Variants in VWA2 observed in about 807,000 individuals in gnomAD.
VWA2 encodes von Willebrand factor A domain containing 2.
A neutral mutation model predicts 70.4 loss-of-function variants in VWA2; 73 were observed. The ratio of observed to expected loss-of-function variants is 1.04; its 90% CI spans 0.86 to 1.26. The LOEUF is 1.26. Ranked by LOEUF, VWA2 falls within the 50% of genes most tolerant of loss-of-function variation. The pLI is 0.00. For missense variants in VWA2, 1,011 were observed against 998.5 expected, an observed-to-expected ratio of 1.01 and a Z score of -0.17; for synonymous variants, 407 against 423.3, an observed-to-expected ratio of 0.96 and a Z score of 0.47.
intron 8 of VWA2, among the ~76,000 whole-genome samples, chr10:114,280,487 G>A (rs1265849417): frequency 6.6e-6 from 1 of 152,174 alleles, no homozygotes; most frequent in Non-Finnish European, 1.5e-5. Flanking sequence ...GGCCAGGGAG[G>A]GCCTTGCAGA....
chr10:114,261,170 C>G lies in VWA2; in HGVS notation c.262-16C>G, dbSNP rs1257805170. 5 of 1,594,210 alleles carry G rather than the reference C, an allele frequency of 3.1e-6. No individual in the cohort carries two copies. Among genetic ancestry groups the G allele is most frequent in the African/African-American group, 2.7e-5 (2 of 74,532 alleles). On this transcript the variant is annotated splice_polypyrimidine_tract_variant and intron_variant, in intron 4 of 13. Transcript: ENST00000392982. ...CTCCAGTCTCGGGGCCCTGAGCCCC[C>G]TGTCTCCTACTGCAGGTCAGAGTGG...
intron 10 of VWA2, among the ~76,000 whole-genome samples, 189 bp from the exon 11 acceptor site, chr10:114,285,750 A>G (rs533071284): frequency 1.2e-4 from 18 of 152,376 alleles, no homozygotes; most frequent in African/African-American, 4.3e-4. Context: ...GGAGACCCTT[A>G]GCGAGTGCCA....
At chr10:114,269,453 T>C (rs1273245462) in intron 5 of VWA2, among the ~76,000 whole-genome samples, 1 of 152,020 alleles carries the variant, frequency 6.6e-6, no homozygotes, top group Non-Finnish European at 1.5e-5. Context: ...TGGTGGTGAG[T>C]GCCTGTAGTC....
chr10:114,291,157 G>A, intron 13 of VWA2, 61 bp from the exon 14 acceptor site: 3 of 1,547,086 alleles, frequency 1.9e-6, no homozygotes, highest in Non-Finnish European at 2.6e-6. Flanking sequence ...CTCAGAGGCT[G>A]CTGGAGGGCT....
intron 5 of VWA2, among the ~76,000 whole-genome samples, chr10:114,269,201 G>T (rs2037649594): frequency 6.6e-6 from 1 of 152,220 alleles, no homozygotes; most frequent in African/African-American, 2.4e-5. Flanking sequence ...TGTGCAGTGG[G>T]CAGCCTGGGC....
At chr10:114,261,758 G>C (rs932788471) in intron 5 of VWA2, among the ~76,000 whole-genome samples, 3 of 152,134 alleles carry the variant, frequency 2.0e-5, no homozygotes, top group African/African-American at 7.2e-5. Context: ...CTGGTTATGT[G>C]CTTATACATA....
intron 5 of VWA2, among the ~76,000 whole-genome samples, chr10:114,269,653 A>G (rs1158535204): frequency 1.3e-5 from 2 of 152,230 alleles, no homozygotes; most frequent in African/African-American, 4.8e-5. Flanking sequence ...AAGGAAAAAC[A>G]GTTTAATTCT....
rs1293476713 is a variant in VWA2, at chr10:114,294,116, AT to A, written c.*2886del. Among the ~76,000 whole-genome samples the A allele has an allele frequency of 2.0e-5, 3 of 152,036 alleles. No individual in the cohort carries two copies. Among genetic ancestry groups the A allele is most frequent in the Non-Finnish European group, 4.4e-5 (3 of 67,972 alleles). ...ATTTTCAATCATTGAACAACCCTTGATTTTTTTGGATAAACTCTATTTGGTC... is the reference window on the plus strand; with the variant it reads ...ATTTTCAATCATTGAACAACCCTTGATTTTTTGGATAAACTCTATTTGGTC... On this transcript the variant is annotated 3_prime_UTR_variant, in exon 14 of 14. Coordinates refer to ENST00000392982, the MANE Select transcript of VWA2 (RefSeq NM_001272046.2).
intron 11 of VWA2, among the ~76,000 whole-genome samples, chr10:114,287,024 A>G (rs999402316): frequency 5.9e-5 from 9 of 152,070 alleles, no homozygotes; most frequent in Non-Finnish European, 1.0e-4. Flanking sequence ...GAGGATACTT[A>G]CCCTGTCTAC....
chr10:114,266,309 A>G (rs1227716134), intron 5 of VWA2, among the ~76,000 whole-genome samples: 1 of 152,116 alleles, frequency 6.6e-6, no homozygotes, highest in Non-Finnish European at 1.5e-5. Context: ...AGAAAAAAAA[A>G]AATTAAACTT....
At chr10:114,265,011 T>C (rs2133340144) in intron 5 of VWA2, among the ~76,000 whole-genome samples, 1 of 152,224 alleles carries the variant, frequency 6.6e-6, no homozygotes. Context: ...TGAGTCACCA[T>C]GCCTGGCCAT....
chr10:114,292,254 G>A lies in VWA2; in HGVS notation c.*1017G>A, dbSNP rs1165803687. ...ATCTCACCACTGCACTCCAGCCTGGGCAACAAGAGTAAAAATCTGTCTCAA... is the reference window on the plus strand; with the variant it reads ...ATCTCACCACTGCACTCCAGCCTGGACAACAAGAGTAAAAATCTGTCTCAA... On this transcript the variant is annotated 3_prime_UTR_variant, in exon 14 of 14. Coordinates refer to ENST00000392982, the MANE Select transcript of VWA2 (RefSeq NM_001272046.2). Among the ~76,000 whole-genome samples the A allele has an allele frequency of 6.6e-6, 1 of 152,064 alleles. No individual in the cohort carries two copies. The highest frequency in any genetic ancestry group is 1.5e-5 in the Non-Finnish European group (1 of 68,018).
chr10:114,246,631 G>A (rs570541597), intron 1 of VWA2: 7 of 1,512,660 alleles, frequency 4.6e-6, no homozygotes, highest in South Asian at 3.4e-5. Context: ...AATGCTCAGA[G>A]AAGTACTTGA....
chr10:114,253,891 G>A (rs577275752), intron 3 of VWA2, among the ~76,000 whole-genome samples, 166 bp downstream of exon 3: 9 of 151,872 alleles, frequency 5.9e-5, no homozygotes, highest in African/African-American at 2.2e-4. Context: ...AAATCACTTG[G>A]TTTAAAAACA....
chr10:114,274,560 C>T (rs112850540), intron 6 of VWA2, among the ~76,000 whole-genome samples: 9,066 of 152,168 alleles, frequency 0.06, 313 homozygotes, highest in Middle Eastern at 0.071. Context: ...CTGCAACCTC[C>T]GCCTCCTGGG....
chr10:114,248,548 G>T (rs990360736), intron 1 of VWA2, among the ~76,000 whole-genome samples, 156 bp from the exon 2 acceptor site: 13 of 152,172 alleles, frequency 8.5e-5, no homozygotes, highest in African/African-American at 3.1e-4. Context: ...TCCATGACTT[G>T]GGAATTGGGG....
At chr10:114,282,313 T>A (rs1407369230) in intron 8 of VWA2, among the ~76,000 whole-genome samples, 1 of 152,222 alleles carries the variant, frequency 6.6e-6, no homozygotes, top group Admixed American at 6.5e-5. Context: ...CTATTTTTTT[T>A]AATTGTCACT....
rs557252393 is a variant in VWA2, at chr10:114,261,950, G to A, written c.371+655G>A. Among the ~76,000 whole-genome samples the A allele has an allele frequency of 4.6e-5, 7 of 152,226 alleles. No individual in the cohort carries two copies. The East Asian group carries it at 7.7e-4, about 17-fold the overall frequency. ...CCAATCATGGCGGAAGGCAAAGGTG[G>A]GGGGGCAGGTGCATCACATGGCGAG... On this transcript the variant is annotated intron_variant, in intron 5 of 13. Coordinates refer to ENST00000392982, the MANE Select transcript of VWA2 (RefSeq NM_001272046.2).
In VWA2 at chr10:114,292,167, C is replaced by T. The variant is rs1160504413; in HGVS notation, c.*930C>T. ...TGGTGGATGCCTATAATCCCAGCTA[C>T]TCGGGAGGCTGAGACAGGAGAATGG... On this transcript the variant is annotated 3_prime_UTR_variant, in exon 14 of 14. Coordinates refer to ENST00000392982, the MANE Select transcript of VWA2 (RefSeq NM_001272046.2). 3.3e-5 allele frequency among the ~76,000 whole-genome samples: 5 copies of T among 151,954 alleles called. No individual in the cohort carries two copies.
Sources: allele counts gnomAD v4.1 joint callset (sites outside exome capture counted in the v4.1 genomes callset), GRCh38; gene constraint gnomAD v4.1.1; transcripts MANE v1.5; gene names NCBI Gene and HGNC (gene_info 2026-07-23, HGNC 2026-07-21).